CNTN3: variants seen among roughly 807,000 people sequenced by gnomAD.
CNTN3 encodes contactin 3.
CNTN3 carries 60 observed loss-of-function variants against 119.1 expected under a neutral mutation model. The ratio of observed to expected loss-of-function variants is 0.50; its 90% CI spans 0.41 to 0.62. CNTN3 has a LOEUF of 0.62. Among genes scored for constraint, CNTN3 ranks in the 20% least tolerant of loss-of-function variants. The pLI is 0.00. For missense variants in CNTN3, 1,101 were observed against 1,242.4 expected (o/e 0.89, Z 1.71); for synonymous variants, 450 against 438.7 (o/e 1.03, Z -0.32).
At chr3:74,444,266 TC>T (rs1452785004) in intron 4 of CNTN3, among the ~76,000 whole-genome samples, 1 of 151,990 alleles carries the variant, frequency 6.6e-6, no homozygotes, top group Non-Finnish European at 1.5e-5. Context: ...GGGGAGGACT[TC>T]ATCATGTCTC....
chr3:74,450,984 G>A (rs563536415), intron 4 of CNTN3, among the ~76,000 whole-genome samples: 1 of 152,214 alleles, frequency 6.6e-6, no homozygotes, highest in South Asian at 2.1e-4. Flanking sequence ...ACATGTGCAT[G>A]TGTCTTTATA....
At chr3:74,456,867 T>C (rs1014434864) in intron 4 of CNTN3, among the ~76,000 whole-genome samples, 1 of 151,890 alleles carries the variant, frequency 6.6e-6, no homozygotes, top group Admixed American at 6.6e-5. Context: ...AAAGATCAAA[T>C]TACTGAGATT....
At chr3:74,350,870 C>T (rs979494365) in intron 11 of CNTN3, among the ~76,000 whole-genome samples, 4 of 151,496 alleles carry the variant, frequency 2.6e-5, no homozygotes, top group African/African-American at 9.7e-5. Context: ...GGGAGCTAAA[C>T]AATGGGTACA....
At chr3:74,492,736 T>C (rs1164952676) in intron 3 of CNTN3, among the ~76,000 whole-genome samples, 1 of 152,110 alleles carries the variant, frequency 6.6e-6, no homozygotes, top group Non-Finnish European at 1.5e-5. Context: ...GAACAAACTA[T>C]GTTTGAGAGA....
intron 2 of CNTN3, among the ~76,000 whole-genome samples, chr3:74,503,508 G>A (rs931069287): frequency 6.6e-6 from 1 of 152,146 alleles, no homozygotes; most frequent in African/African-American, 2.4e-5. Flanking sequence ...AATAGGTGAT[G>A]AGAGATGCTG....
intron 13 of CNTN3, among the ~76,000 whole-genome samples, chr3:74,319,807 A>G (rs550582832): frequency 1.4e-5 from 2 of 146,924 alleles, no homozygotes; most frequent in Admixed American, 6.9e-5. Context: ...AATGAACTCA[A>G]ACAAATTTAC....
At chr3:74,556,310 C>T (rs1365828495) in intron 1 of CNTN3, among the ~76,000 whole-genome samples, 7 of 152,170 alleles carry the variant, frequency 4.6e-5, no homozygotes, top group African/African-American at 1.7e-4. Context: ...CCCCTCTTCT[C>T]TTCTCCTCCC....
intron 5 of CNTN3, among the ~76,000 whole-genome samples, chr3:74,407,591 G>A (rs1208164070): frequency 2.0e-5 from 3 of 151,742 alleles, no homozygotes; most frequent in Admixed American, 6.6e-5. Context: ...TATCCTTAGC[G>A]GAAGACCTAG....
intron 4 of CNTN3, among the ~76,000 whole-genome samples, chr3:74,474,580 A>G (rs1205193653): frequency 1.3e-5 from 2 of 152,006 alleles, no homozygotes; most frequent in Admixed American, 1.3e-4. Flanking sequence ...TGCAACCTCC[A>G]TCTCCCAAGT....
intron 2 of CNTN3, among the ~76,000 whole-genome samples, chr3:74,511,778 T>C (rs1231097672): frequency 6.6e-6 from 1 of 152,280 alleles, no homozygotes; most frequent in African/African-American, 2.4e-5. Context: ...CTTGTTTATA[T>C]ATTGTCTATA....
chr3:74,613,494 G>A (rs994555016), intron 1 of CNTN3, among the ~76,000 whole-genome samples: 2 of 151,982 alleles, frequency 1.3e-5, no homozygotes, highest in African/African-American at 2.4e-5. Context: ...TCTGAAAGGA[G>A]GTTTGCTGTC....
chr3:74,576,310 T>C (rs758459267), intron 1 of CNTN3, among the ~76,000 whole-genome samples: 1 of 152,160 alleles, frequency 6.6e-6, no homozygotes, highest in Non-Finnish European at 1.5e-5. Flanking sequence ...CTTGAGCGTA[T>C]CAAATAAACT....
At chr3:74,389,399 G>T (rs1413739468) in intron 5 of CNTN3, among the ~76,000 whole-genome samples, 1 of 151,920 alleles carries the variant, frequency 6.6e-6, no homozygotes, top group Non-Finnish European at 1.5e-5. Flanking sequence ...AAACAAACAT[G>T]ATAAATAAAA....
At chr3:74,478,695 A>G (rs1025642847) in intron 4 of CNTN3, among the ~76,000 whole-genome samples, 1 of 152,190 alleles carries the variant, frequency 6.6e-6, no homozygotes, top group Admixed American at 6.6e-5. Context: ...CTAAGTTTCC[A>G]TTAGGTTTTT....
chr3:74,553,384 T>C (rs529113310), intron 1 of CNTN3, among the ~76,000 whole-genome samples: 33 of 152,350 alleles, frequency 2.2e-4, no homozygotes, highest in African/African-American at 7.9e-4. Context: ...CGAATAGTGC[T>C]GCAATAAACA....
chr3:74,509,313 CTT>C lies in CNTN3; in HGVS notation c.56-9530_56-9529del, dbSNP rs11318453. On this transcript the variant is annotated intron_variant, in intron 2 of 22. Coordinates refer to ENST00000263665, the MANE Select transcript of CNTN3 (RefSeq NM_020872.3). ...TAAAAAAGTGGTGCTCCTTTCCTTT[CTT>C]TTTTTTTTTTTTTTTTGACATGGGG... Among the ~76,000 whole-genome samples the C allele has an allele frequency of 8.8e-3, 1,027 of 117,124 alleles. 9 individuals carry two copies. The highest frequency in any genetic ancestry group is 0.024 in the African/African-American group (741 of 31,024). 76.8% of individuals were successfully genotyped at this position (117,124 alleles called of 152,430 possible).
chr3:74,603,566 C>T (rs1434545279), intron 1 of CNTN3, among the ~76,000 whole-genome samples: 2 of 151,998 alleles, frequency 1.3e-5, no homozygotes, highest in Admixed American at 6.6e-5. Context: ...AAGCAAAAGC[C>T]GACTGTTACA....
chr3:74,496,181 A>G (rs1284559125), intron 3 of CNTN3, among the ~76,000 whole-genome samples: 1 of 152,154 alleles, frequency 6.6e-6, no homozygotes, highest in African/African-American at 2.4e-5. Context: ...CTAGACTAAA[A>G]GTTGGAAACA....
At chr3:74,354,305 T>C (rs1703884108) in intron 11 of CNTN3, among the ~76,000 whole-genome samples, 2 of 152,078 alleles carry the variant, frequency 1.3e-5, no homozygotes, top group Admixed American at 1.3e-4. Context: ...AATAAAATAT[T>C]TACTATTATA....
Sources: gnomAD v4.1 joint callset for allele counts (sites outside exome capture counted in the v4.1 genomes callset) on GRCh38, gnomAD v4.1.1 for gene constraint, MANE v1.5 for transcripts, NCBI Gene and HGNC (gene_info 2026-07-23, HGNC 2026-07-21) for gene names.